LRRIQ3: variants seen among roughly 807,000 people sequenced by gnomAD.
LRRIQ3 encodes leucine rich repeats and IQ motif containing 3, also known as leucine-rich repeat and IQ domain-containing protein 3.
In LRRIQ3, 75 loss-of-function variants were observed where a neutral mutation model predicts 59.3. The observed-to-expected ratio is 1.26, with a 90% CI of 1.05 to 1.53. The LOEUF is 1.53. Among genes scored for constraint, LRRIQ3 ranks in the 40% most tolerant of loss-of-function variants. The pLI, the probability that LRRIQ3 is intolerant of heterozygous loss-of-function variation, is 0.00. For missense variants in LRRIQ3, 831 were observed against 710.0 expected (o/e 1.17, Z -1.94); for synonymous variants, 250 against 231.3 (o/e 1.08, Z -0.73).
At chr1:74,143,145 A>T (rs1647340396) in intron 4 of LRRIQ3, among the ~76,000 whole-genome samples, 1 of 152,050 alleles carries the variant, frequency 6.6e-6, no homozygotes, top group Admixed American at 6.6e-5. Flanking sequence ...CTTCAAATAA[A>T]ATAAAGAAAC....
chr1:74,157,028 T>A (rs1337379048), intron 3 of LRRIQ3, among the ~76,000 whole-genome samples: 1 of 151,936 alleles, frequency 6.6e-6, no homozygotes, highest in Non-Finnish European at 1.5e-5. Context: ...AAAAAAAAAA[T>A]CACAACACCT....
intron 3 of LRRIQ3, among the ~76,000 whole-genome samples, chr1:74,167,442 G>A (rs189889168): frequency 6.6e-6 from 1 of 151,800 alleles, no homozygotes; most frequent in East Asian, 1.9e-4. Flanking sequence ...AGGTTCATAG[G>A]TGCAGCAAAC....
intron 6 of LRRIQ3, among the ~76,000 whole-genome samples, chr1:74,045,382 G>A (rs1462539374): frequency 6.6e-6 from 1 of 152,122 alleles, no homozygotes; most frequent in Non-Finnish European, 1.5e-5. Flanking sequence ...CTCAATAGTT[G>A]CAGAAAAGGC....
At chr1:74,145,178 C>T (rs773350623) in intron 4 of LRRIQ3, among the ~76,000 whole-genome samples, 2 of 152,104 alleles carry the variant, frequency 1.3e-5, no homozygotes, top group Non-Finnish European at 2.9e-5. Context: ...GCTAAGGCCA[C>T]AGTCATATGA....
rs1374289432 is a variant in LRRIQ3 at position 74,041,251 on chromosome 1, T to A, written c.1680A>T (p.Lys560Asn). 6.3e-7 allele frequency: 1 copy of A among 1,591,574 alleles called. No individual in the cohort carries two copies. The highest frequency in any genetic ancestry group is 2.2e-5 in the East Asian group (1 of 44,702). The stretch of plus-strand genomic sequence containing the variant: ...TTTCTTTAAGTAAATTCTTTCTATA[T>A]TTTTCTGCTTTTAGTTTTTGCTTAA... ...LIVKQKLKAE[K>N]YRKNLLKEMK... The change falls in exon 7 of 8, where the codon AAA becomes AAT. Residue 560 changes from lysine (K) to asparagine (N), a missense_variant. Transcript: ENST00000354431.
At chr1:74,138,885 T>C (rs1223995133) in intron 4 of LRRIQ3, among the ~76,000 whole-genome samples, 2 of 151,636 alleles carry the variant, frequency 1.3e-5, no homozygotes, top group Admixed American at 6.6e-5. Flanking sequence ...AGTCCACTTA[T>C]CATAGAAAAT....
chr1:74,075,000 C>T (rs1156336622), intron 5 of LRRIQ3, among the ~76,000 whole-genome samples: 1 of 151,958 alleles, frequency 6.6e-6, no homozygotes, highest in East Asian at 1.9e-4. Context: ...AATATTGTAC[C>T]TTGGCCAATG....
At chr1:74,177,280 T>C (rs1391910846) in intron 3 of LRRIQ3, among the ~76,000 whole-genome samples, 1 of 152,084 alleles carries the variant, frequency 6.6e-6, no homozygotes, top group Non-Finnish European at 1.5e-5. Context: ...TACATCTTTC[T>C]CCTGTGCTGG....
At chr1:74,131,770 A>G (rs1647024115) in intron 4 of LRRIQ3, among the ~76,000 whole-genome samples, 1 of 152,202 alleles carries the variant, frequency 6.6e-6, no homozygotes, top group South Asian at 2.1e-4. Context: ...AGCCAATATC[A>G]TACTGAATGG....
chr1:74,154,943 T>C (rs1375354194), intron 4 of LRRIQ3, among the ~76,000 whole-genome samples: 1 of 152,214 alleles, frequency 6.6e-6, no homozygotes, highest in Admixed American at 6.5e-5. Flanking sequence ...TTATCAGGAC[T>C]ATTGCCACCT....
chr1:74,155,754 A>G lies in LRRIQ3; in HGVS notation c.686T>C (p.Phe229Ser), dbSNP rs772702992. 2 of 1,569,814 alleles carry G rather than the reference A, an allele frequency of 1.3e-6. No homozygotes were observed. Among genetic ancestry groups the G allele is most frequent in the Non-Finnish European group, 8.6e-7 (1 of 1,166,398 alleles). Residue 229 changes from phenylalanine to serine, a missense_variant, in exon 4 of 8, where the codon TTC becomes TCC. Transcript: ENST00000354431. ...VLIVQRWIRGFLVRKNLSPVF... is the reference protein window; with the variant it reads ...VLIVQRWIRGSLVRKNLSPVF... ...ATACCTCAAATTTTTTCTAACTAAGAAACCACGTATCCATCTTTGAACAAT... is the reference window on the plus strand; with the variant it reads ...ATACCTCAAATTTTTTCTAACTAAGGAACCACGTATCCATCTTTGAACAAT...
chr1:74,055,882 C>T (rs1240934077), intron 6 of LRRIQ3, among the ~76,000 whole-genome samples: 5 of 152,090 alleles, frequency 3.3e-5, no homozygotes, highest in African/African-American at 4.8e-5. Flanking sequence ...TGTTGGCTCA[C>T]GCCTGTAATT....
rs546691253 is a variant in LRRIQ3, at chr1:74,152,837, G to A, written c.707+2896C>T. 3.3e-5 allele frequency among the ~76,000 whole-genome samples: 5 copies of A among 152,198 alleles called. No individual in the cohort carries two copies. The South Asian group carries it at 1.0e-3, about 32-fold the overall frequency. On this transcript the variant is annotated intron_variant, in intron 4 of 7. Transcript: ENST00000354431. ...TGGAATTTGGAATGTGTTAATACCG[G>A]AACCTGATATTTATTTACATGCGGT...
chr1:74,027,676 T>C (rs1653561051), intron 7 of LRRIQ3, among the ~76,000 whole-genome samples: 1 of 152,096 alleles, frequency 6.6e-6, no homozygotes, highest in East Asian at 1.9e-4. Context: ...ACTAATACCC[T>C]GCCAAACCGG....
chr1:74,171,537 A>T (rs1246112150), intron 3 of LRRIQ3, among the ~76,000 whole-genome samples: 2 of 152,132 alleles, frequency 1.3e-5, no homozygotes, highest in Non-Finnish European at 2.9e-5. Flanking sequence ...GTACTGTTGG[A>T]TTCAGTTTCT....
At chr1:74,039,416 C>A (rs760803259) in intron 7 of LRRIQ3, among the ~76,000 whole-genome samples, 3 of 152,124 alleles carry the variant, frequency 2.0e-5, no homozygotes, top group African/African-American at 4.8e-5. Context: ...AGGATACTAT[C>A]TAGAAGAACT....
At chr1:74,052,189 C>CTACA (rs962169030) in intron 6 of LRRIQ3, among the ~76,000 whole-genome samples, 2 of 152,100 alleles carry the variant, frequency 1.3e-5, no homozygotes, top group Non-Finnish European at 2.9e-5. Context: ...ACCGCGCTGA[C>CTACA]TACATAAGTC....
At chr1:74,094,908 T>C (rs1299432060) in intron 5 of LRRIQ3, 1 of 152,104 alleles carries the variant, frequency 6.6e-6, no homozygotes, top group East Asian at 1.9e-4. Context: ...TGTCCTTCAA[T>C]AGTCATTCCA....
intron 1 of LRRIQ3, among the ~76,000 whole-genome samples, chr1:74,189,943 C>T (rs1228027810): frequency 1.3e-5 from 2 of 152,058 alleles, no homozygotes; most frequent in Non-Finnish European, 2.9e-5. Context: ...ATGCCTAGTT[C>T]CATTAACAAT....
Sources: allele counts gnomAD v4.1 joint callset (sites outside exome capture counted in the v4.1 genomes callset), GRCh38; gene constraint gnomAD v4.1.1; transcripts MANE v1.5; gene names NCBI Gene and HGNC (gene_info 2026-07-23, HGNC 2026-07-21).